SLC30A7: variants seen among roughly 807,000 people sequenced by gnomAD.
The protein encoded by SLC30A7 is solute carrier family 30 member 7.
In SLC30A7, 35 loss-of-function variants were observed where a neutral mutation model predicts 46.0. The ratio of observed to expected loss-of-function variants is 0.76; its 90% confidence interval spans 0.58 to 1.01. The LOEUF (loss-of-function observed/expected upper bound fraction) is 1.01. Among genes scored for constraint, SLC30A7 ranks in the 50% least tolerant of loss-of-function variants. The probability of loss-of-function intolerance (pLI) is 0.00; values close to 1 mark genes in which losing one functional copy is unlikely to be tolerated. For synonymous variants in SLC30A7, 147 were observed against 157.8 expected (o/e 0.93, Z 0.51); for missense variants, 464 against 451.1 (o/e 1.03, Z -0.26).
At chr1:100,990,742 A>G in the SLC30A7 span, 4 of 1,033,060 alleles carry the variant, frequency 3.9e-6, no homozygotes, top group South Asian at 6.4e-5. Flanking sequence ...AAATATCTTA[A>G]ATCTCTTTTG....
In SLC30A7 at chr1:100,975,352, C is replaced by T. The variant is rs1393732199; in HGVS notation, c.*495C>T. 4 of 152,692 alleles carry T rather than the reference C, an allele frequency of 2.6e-5. No homozygotes were observed. Among genetic ancestry groups the T allele is most frequent in the Non-Finnish European group, 5.9e-5 (4 of 68,182 alleles). The allele number at this position is 152,692 out of a possible 1,614,324, so 9.5% of individuals were successfully genotyped here. ...AAAAGAAAGAAATTGGAAATCTGTG[C>T]TATACGTAATGTCATAATTGTTGAC... On this transcript the variant is annotated 3_prime_UTR_variant, in exon 11 of 11. Transcript: ENST00000357650.
chr1:100,973,253 G>T (rs1233985524), intron 10 of SLC30A7, among the ~76,000 whole-genome samples: 1 of 152,058 alleles, frequency 6.6e-6, no homozygotes, highest in Non-Finnish European at 1.5e-5. Flanking sequence ...GCTTTGAGGA[G>T]TCCAGAAATT....
chr1:100,961,159 C>T (rs927843668), intron 8 of SLC30A7, among the ~76,000 whole-genome samples: 7 of 150,916 alleles, frequency 4.6e-5, no homozygotes, highest in Non-Finnish European at 8.9e-5. Flanking sequence ...GACGGGGTTT[C>T]ACCGTGTTAG....
chr1:100,985,998 G>A (rs541590556), downstream of SLC30A7, among the ~76,000 whole-genome samples: 1 of 152,170 alleles, frequency 6.6e-6, no homozygotes, highest in African/African-American at 2.4e-5. Context: ...CAATTTAAAA[G>A]TAGGCAAAAG....
intron 8 of SLC30A7, among the ~76,000 whole-genome samples, chr1:100,954,997 T>C (rs1024861212): frequency 2.0e-5 from 3 of 152,036 alleles, no homozygotes; most frequent in East Asian, 1.9e-4. Context: ...CTACAATATA[T>C]AGGAAAACTT....
chr1:100,943,188 C>T (rs1364753393), intron 8 of SLC30A7, among the ~76,000 whole-genome samples: 1 of 152,150 alleles, frequency 6.6e-6, no homozygotes, highest in Non-Finnish European at 1.5e-5. Flanking sequence ...TTTGCAAACC[C>T]CAGGTTAGTT....
intron 8 of SLC30A7, among the ~76,000 whole-genome samples, chr1:100,949,865 G>A (rs1242367293): frequency 6.6e-6 from 1 of 152,196 alleles, no homozygotes; most frequent in Non-Finnish European, 1.5e-5. Flanking sequence ...TCAGACCATG[G>A]GAAAAGTGCA....
chr1:100,950,749 C>T (rs545832535), intron 8 of SLC30A7, among the ~76,000 whole-genome samples: 88 of 152,190 alleles, frequency 5.8e-4, no homozygotes, highest in African/African-American at 1.9e-3. Context: ...ACTTTAACCC[C>T]GACTAGTTAA....
rs796949582 is a variant in SLC30A7, at chr1:100,978,250, T to C, written c.*3393T>C. ...CAGCATTCCTGAAAACCTACACGTG[T>C]ATATCAGTAACCAAAATGCTATGCC... On this transcript the variant is annotated 3_prime_UTR_variant, in exon 11 of 11. Coordinates refer to ENST00000357650, the MANE Select transcript of SLC30A7 (RefSeq NM_133496.5). 16 of 152,300 alleles carry C rather than the reference T, an allele frequency of 1.1e-4. No homozygotes were observed. Among genetic ancestry groups the C allele is most frequent in the African/African-American group, 3.8e-4 (16 of 41,566 alleles). The allele number at this position is 152,300 out of a possible 1,614,324, so 9.4% of individuals were successfully genotyped here.
rs574525653 is a variant in SLC30A7, at chr1:100,921,221, G to A, written c.707-485G>A. Among the ~76,000 whole-genome samples the A allele has an allele frequency of 2.6e-5, 4 of 152,220 alleles. No homozygotes were observed. In the East Asian group the frequency reaches 7.7e-4, roughly 29 times the overall value. ...TTTAGGATAATTAATAAGTGTAACA[G>A]GATAAGTGAAATTATGGTTTATGGG... On this transcript the variant is annotated intron_variant, in intron 7 of 10. Coordinates refer to ENST00000357650, the MANE Select transcript of SLC30A7 (RefSeq NM_133496.5).
At chr1:100,905,534 T>C (rs996939508) in intron 2 of SLC30A7, among the ~76,000 whole-genome samples, 1 of 152,144 alleles carries the variant, frequency 6.6e-6, no homozygotes, top group Non-Finnish European at 1.5e-5. Context: ...TAAATACATG[T>C]ATTTTAGTAT....
At chr1:100,929,774 A>T (rs1374691919) in intron 8 of SLC30A7, among the ~76,000 whole-genome samples, 3 of 152,082 alleles carry the variant, frequency 2.0e-5, no homozygotes, top group African/African-American at 7.2e-5. Flanking sequence ...TTTGGGGTAA[A>T]ACTGAGTTGT....
At chr1:100,991,492 C>T in the SLC30A7 span, among the ~76,000 whole-genome samples, 1 of 152,132 alleles carries the variant, frequency 6.6e-6, no homozygotes, top group Non-Finnish European at 1.5e-5. Context: ...GCAACAATCA[C>T]TCAAGAATCT....
At chr1:100,964,227 TTA>T (rs995643818) in intron 9 of SLC30A7, among the ~76,000 whole-genome samples, 8 of 141,254 alleles carry the variant, frequency 5.7e-5, no homozygotes, top group African/African-American at 1.5e-4. Context: ...ACTAATTGTT[TTA>T]TATATATATA....
chr1:100,993,930 G>A, the SLC30A7 span, among the ~76,000 whole-genome samples: 1 of 151,826 alleles, frequency 6.6e-6, no homozygotes, highest in African/African-American at 2.4e-5. Context: ...TTTTAGTACA[G>A]ACGGGGTTTC....
At chr1:100,896,441 C>A in intron 1 of SLC30A7, 99 bp downstream of exon 1, 1 of 1,464,442 alleles carries the variant, frequency 6.8e-7, no homozygotes, top group Non-Finnish European at 9.6e-7. Flanking sequence ...GAGTCAAAAA[C>A]TCCCCGTCAA....
downstream of SLC30A7, among the ~76,000 whole-genome samples, chr1:100,983,386 A>AC (rs1179837374): frequency 1.8e-4 from 26 of 146,052 alleles, no homozygotes; most frequent in Middle Eastern, 7.1e-3. Context: ...AAAAAAAAAA[A>AC]AAAACAAAAC....
At position 100,929,977 on chromosome 1, in the gene SLC30A7, G is replaced by A. The variant is rs78333992; in HGVS notation, c.842+8136G>A. On this transcript the variant is annotated intron_variant, in intron 8 of 10. Coordinates refer to ENST00000357650, the MANE Select transcript of SLC30A7 (RefSeq NM_133496.5). Reference sequence around the variant, plus strand: ...GCAGAAATCTGAACAATTAGTTGTAGCTTTGAATCTCACTGCAGTTTAGAG... The same window carrying A: ...GCAGAAATCTGAACAATTAGTTGTAACTTTGAATCTCACTGCAGTTTAGAG... Among the ~76,000 whole-genome samples the A allele has an allele frequency of 7.2e-4, 109 of 152,094 alleles. No individual in the cohort carries two copies. In the East Asian group the frequency reaches 0.019, roughly 27 times the overall value.
At position 100,947,570 on chromosome 1, in the gene SLC30A7, C is replaced by T. The variant is rs535208114; in HGVS notation, c.843-14258C>T. 5.3e-5 allele frequency among the ~76,000 whole-genome samples: 8 copies of T among 152,258 alleles called. No homozygotes were observed. In the East Asian group the frequency reaches 1.4e-3, roughly 26 times the overall value. On this transcript the variant is annotated intron_variant, in intron 8 of 10. Coordinates refer to ENST00000357650, the MANE Select transcript of SLC30A7 (RefSeq NM_133496.5). ...GAGTTCTGTAGATGTCTGTTAATTT[C>T]GCTTAGTGCAGAGTTGAGTTCAAGT...
Sources: gnomAD v4.1 joint callset for allele counts (sites outside exome capture counted in the v4.1 genomes callset) on GRCh38, gnomAD v4.1.1 for gene constraint, MANE v1.5 for transcripts, NCBI Gene and HGNC (gene_info 2026-07-23, HGNC 2026-07-21) for gene names.